DGKD: variants seen among roughly 807,000 people sequenced by gnomAD.
DGKD encodes the protein DAG kinase delta.
In DGKD, 68 loss-of-function variants were observed where a neutral mutation model predicts 154.4. The ratio of observed to expected loss-of-function variants is 0.44; its 90% confidence interval spans 0.36 to 0.54. The LOEUF (loss-of-function observed/expected upper bound fraction) is 0.54. Ranked by LOEUF, DGKD falls within the 20% of genes least tolerant of loss-of-function variation. The pLI is 0.00. For missense variants in DGKD, 1,343 were observed against 1,593.6 expected, an observed-to-expected ratio of 0.84 and a Z score of 2.68; for synonymous variants, 693 against 638.0, an observed-to-expected ratio of 1.09 and a Z score of -1.30.
chr2:233,428,047 A>G (rs1206041709), intron 3 of DGKD, among the ~76,000 whole-genome samples: 1 of 152,110 alleles, frequency 6.6e-6, no homozygotes, highest in Non-Finnish European at 1.5e-5. Context: ...CATCCCCCAG[A>G]ATCAGCCTCC....
At chr2:233,358,859 A>G (rs59389614) in intron 1 of DGKD, among the ~76,000 whole-genome samples, 1 of 152,184 alleles carries the variant, frequency 6.6e-6, no homozygotes, top group African/African-American at 2.4e-5. Context: ...TGCTGTGAAC[A>G]TTCATGCACA....
At chr2:233,365,052 A>G (rs1407768258) in intron 1 of DGKD, among the ~76,000 whole-genome samples, 11 of 152,210 alleles carry the variant, frequency 7.2e-5, no homozygotes. Flanking sequence ...TTTGGATATA[A>G]TAATTTAAAA....
intron 29 of DGKD, among the ~76,000 whole-genome samples, chr2:233,468,842 C>T (rs1037225047): frequency 6.6e-6 from 1 of 152,246 alleles, no homozygotes. Flanking sequence ...GGGACACAGA[C>T]CCTGAAGCAC....
chr2:233,464,262 C>T lies in DGKD; in HGVS notation c.3285C>T (p.Ser1095=), dbSNP rs764403727. Residue 1095 remains serine (S), a synonymous_variant, in exon 27 of 30, where the codon TCC becomes TCT. Coordinates refer to ENST00000264057, the MANE Select transcript of DGKD (RefSeq NM_152879.3). ...CAGACACCCCGTGGCTCTGCCAGTC[C>T]GCAGAGCCCGGCGACGAAGAGGTAT... ...RLADTPWLCQ[S]AEPGDEESVM... 69 of 1,613,582 alleles carry T rather than the reference C, an allele frequency of 4.3e-5. No individual in the cohort carries two copies. In the Middle Eastern group the frequency reaches 6.6e-4, roughly 15 times the overall value.
chr2:233,469,512 C>T lies in DGKD; in HGVS notation c.*52C>T, dbSNP rs1036533307. On this transcript the variant is annotated 3_prime_UTR_variant, in exon 30 of 30. Coordinates refer to ENST00000264057, the MANE Select transcript of DGKD (RefSeq NM_152879.3). Reference sequence around the variant, plus strand: ...CACATCCCCGCCGCCGAGGCCTAGCCTCCGCCCTCTCAGCCTGTGGCCTCT... The same window carrying T: ...CACATCCCCGCCGCCGAGGCCTAGCTTCCGCCCTCTCAGCCTGTGGCCTCT... The T allele has an allele frequency of 8.1e-6, 12 of 1,489,162 alleles. No homozygotes were observed. The highest frequency in any genetic ancestry group is 1.4e-5 in the African/African-American group (1 of 72,028). The allele number at this position is 1,489,162 out of a possible 1,614,324, so 92.2% of individuals were successfully genotyped here. A position where few individuals can be genotyped will look rare whatever the true frequency, so the allele number is the denominator to read the frequency against.
chr2:233,451,218 TTTAAAAAC>T (rs1269905797), intron 17 of DGKD, among the ~76,000 whole-genome samples, 168 bp downstream of exon 17: 3 of 148,442 alleles, frequency 2.0e-5, no homozygotes, highest in African/African-American at 7.7e-5. Flanking sequence ...TTTTTTTTTT[TTTAAAAAC>T]AAAAAACAAA....
intron 3 of DGKD, among the ~76,000 whole-genome samples, chr2:233,399,719 TG>T (rs1280599970): frequency 6.6e-6 from 1 of 152,116 alleles, no homozygotes; most frequent in Admixed American, 6.5e-5. Context: ...GTTGGGTTTT[TG>T]TTAGAAGAGT....
intron 1 of DGKD, among the ~76,000 whole-genome samples, chr2:233,381,627 C>T (rs540271820): frequency 3.9e-5 from 6 of 152,176 alleles, no homozygotes; most frequent in Non-Finnish European, 8.8e-5. Flanking sequence ...TGGAGATAAC[C>T]TGGAGGTCTT....
intron 3 of DGKD, chr2:233,429,098 C>T (rs770345892): frequency 1.4e-4 from 141 of 984,334 alleles, no homozygotes; most frequent in Non-Finnish European, 1.6e-4. Flanking sequence ...TCTAGTACAC[C>T]CTCTCCTTCA....
chr2:233,391,272 A>G (rs1703591991), intron 3 of DGKD, among the ~76,000 whole-genome samples: 1 of 152,198 alleles, frequency 6.6e-6, no homozygotes, highest in Non-Finnish European at 1.5e-5. Context: ...CTAAATGCAC[A>G]GAATCATGTG....
intron 7 of DGKD, among the ~76,000 whole-genome samples, chr2:233,436,689 C>T (rs561018130): frequency 1.3e-5 from 2 of 152,370 alleles, no homozygotes; most frequent in African/African-American, 4.8e-5. Context: ...ACAGATGTCA[C>T]CCTGCATCAT....
chr2:233,360,984 GTTTTTT>G (rs10580286), intron 1 of DGKD, among the ~76,000 whole-genome samples: 1 of 129,106 alleles, frequency 7.7e-6, no homozygotes, highest in African/African-American at 3.2e-5. Context: ...AGACAGTCAA[GTTTTTT>G]TTTTTTTTTT....
intron 3 of DGKD, among the ~76,000 whole-genome samples, chr2:233,425,662 A>G (rs2062271992): frequency 6.6e-6 from 1 of 152,152 alleles, no homozygotes; most frequent in Non-Finnish European, 1.5e-5. Context: ...ATTGGCTTTT[A>G]TCTATTAACA....
rs2063992872 is a variant in DGKD at position 233,470,919 on chromosome 2, T to TC, written c.*1460dup. On this transcript the variant is annotated 3_prime_UTR_variant, in exon 30 of 30. Transcript: ENST00000264057. ...TGCCGGCGCTGTCCAGGTCCTTTAGTCAGCGTCACTCCATCTGATGTGCAG... is the reference window on the plus strand; with the variant it reads ...TGCCGGCGCTGTCCAGGTCCTTTAGTCCAGCGTCACTCCATCTGATGTGCAG... 2.6e-5 allele frequency: 4 copies of TC among 152,330 alleles called. No homozygotes were observed. The highest frequency in any genetic ancestry group is 5.9e-5 in the Non-Finnish European group (4 of 68,094). 9.4% of individuals were successfully genotyped at this position (152,330 alleles called of 1,614,324 possible).
intron 3 of DGKD, among the ~76,000 whole-genome samples, chr2:233,431,083 A>G (rs889293226): frequency 5.3e-5 from 8 of 152,240 alleles, no homozygotes; most frequent in African/African-American, 9.6e-5. Context: ...GGAAAAGCCT[A>G]AAGACCCCAC....
At chr2:233,409,031 C>G (rs372764329) in intron 3 of DGKD, 1 of 152,232 alleles carries the variant, frequency 6.6e-6, no homozygotes, top group Admixed American at 6.5e-5. Context: ...AAGATGCTGT[C>G]CTCTTCTGGC....
intron 3 of DGKD, among the ~76,000 whole-genome samples, chr2:233,399,945 G>T (rs1165951802): frequency 2.0e-5 from 3 of 152,066 alleles, no homozygotes; most frequent in African/African-American, 7.3e-5. Context: ...GTGACTCTGA[G>T]AATTAAATAT....
chr2:233,393,191 A>C (rs1247737279), intron 3 of DGKD, among the ~76,000 whole-genome samples: 1 of 151,684 alleles, frequency 6.6e-6, no homozygotes, highest in Non-Finnish European at 1.5e-5. Flanking sequence ...CGCCCAGCTA[A>C]TGTTTTTATA....
At chr2:233,361,237 G>T (rs1030709268) in intron 1 of DGKD, among the ~76,000 whole-genome samples, 1 of 152,186 alleles carries the variant, frequency 6.6e-6, no homozygotes, top group Non-Finnish European at 1.5e-5. Flanking sequence ...CAAGGAATGC[G>T]CAGGAGCCAG....
Sources: gnomAD v4.1 joint callset for allele counts (sites outside exome capture counted in the v4.1 genomes callset) on GRCh38, gnomAD v4.1.1 for gene constraint, MANE v1.5 for transcripts, NCBI Gene and HGNC (gene_info 2026-07-23, HGNC 2026-07-21) for gene names.